The following CCDC88A variants were observed in gnomAD, a reference collection of about 807,000 sequenced individuals.
CCDC88A encodes the protein girdin.
CCDC88A carries 54 observed loss-of-function variants against 234.3 expected under a neutral mutation model. The observed-to-expected ratio is 0.23, with a 90% CI of 0.19 to 0.29. The LOEUF (loss-of-function observed/expected upper bound fraction) is 0.29. Ranked by LOEUF, CCDC88A falls within the 10% of genes least tolerant of loss-of-function variation. The probability of loss-of-function intolerance (pLI) is 1.00; values close to 1 mark genes in which losing one functional copy is unlikely to be tolerated. For synonymous variants in CCDC88A, 753 were observed against 737.8 expected, an observed-to-expected ratio of 1.02 and a Z score of -0.33; for missense variants, 1,832 against 2,123.4, an observed-to-expected ratio of 0.86 and a Z score of 2.70.
chr2:55,418,512 T>A lies in CCDC88A; in HGVS notation c.164+304A>T, dbSNP rs1434834091. The A allele has an allele frequency of 1.2e-5, 4 of 339,438 alleles. 1 individual carries two copies. In the East Asian group the frequency reaches 1.4e-4, roughly 12 times the overall value. The allele number at this position is 339,438 out of a possible 1,614,324, so 21.0% of individuals were successfully genotyped here. A position where few individuals can be genotyped will look rare whatever the true frequency, so the allele number is the denominator to read the frequency against. ...TAGGAAACCAGATTCTCATTTTCTC[T>A]CTTATTTTACCAAATTATCAAAGAA... On this transcript the variant is annotated intron_variant, in intron 2 of 32. Transcript: ENST00000436346.
intron 2 of CCDC88A, chr2:55,394,638 T>C (rs543736253): frequency 1.7e-5 from 2 of 115,208 alleles, no homozygotes; most frequent in African/African-American, 7.0e-5. Context: ...AAGGGGAACA[T>C]CACACACTGG....
At chr2:55,305,676 T>C (rs1008245591) in intron 25 of CCDC88A, among the ~76,000 whole-genome samples, 7 of 152,124 alleles carry the variant, frequency 4.6e-5, no homozygotes, top group African/African-American at 1.2e-4. Flanking sequence ...AGTGAGACCC[T>C]GTCTCTAAAA....
chr2:55,325,669 G>T (rs2104655633), intron 17 of CCDC88A, among the ~76,000 whole-genome samples: 1 of 152,284 alleles, frequency 6.6e-6, no homozygotes, highest in Middle Eastern at 3.4e-3. Flanking sequence ...GGTAGATGAA[G>T]TTCTTTCTAC....
Position 55,419,179 on chromosome 2 carries a change from T to G in CCDC88A, c.-100A>C. On this transcript the variant is annotated 5_prime_UTR_variant, in exon 1 of 33. Transcript: ENST00000436346. ...TAAGTAGAAATCAATGAAAGTCCAT[T>G]TCGGCAAGGGAGAAAAATCCCATCG... The G allele has an allele frequency of 1.3e-6, 1 of 744,010 alleles. No individual in the cohort carries two copies. The allele number at this position is 744,010 out of a possible 1,614,324, so 46.1% of individuals were successfully genotyped here. A position where few individuals can be genotyped will look rare whatever the true frequency, so the allele number is the denominator to read the frequency against.
At chr2:55,333,533 A>G (rs755870173) in intron 15 of CCDC88A, among the ~76,000 whole-genome samples, 1 of 152,184 alleles carries the variant, frequency 6.6e-6, no homozygotes, top group Non-Finnish European at 1.5e-5. Context: ...GAATCCAGTA[A>G]TCCAACTCTG....
intron 3 of CCDC88A, among the ~76,000 whole-genome samples, chr2:55,386,222 CAAA>C (rs11333871): frequency 6.9e-6 from 1 of 145,326 alleles, no homozygotes; most frequent in Non-Finnish European, 1.5e-5. Context: ...AACTCCGTCT[CAAA>C]AAAAAAAAAA....
At position 55,415,160 on chromosome 2, in the gene CCDC88A, A is replaced by G. The variant is rs988871960; in HGVS notation, c.164+3656T>C. ...AGAGCAAAAATGTAATTAAAAGTAT[A>G]TAAACAGCCAGGCATTGTGGTGCGC... On this transcript the variant is annotated intron_variant, in intron 2 of 32. Transcript: ENST00000436346. Among the ~76,000 whole-genome samples the G allele has an allele frequency of 2.0e-5, 3 of 152,042 alleles. No individual in the cohort carries two copies. The East Asian group carries it at 5.8e-4, about 29-fold the overall frequency.
intron 4 of CCDC88A, among the ~76,000 whole-genome samples, chr2:55,373,939 T>C (rs538305079): frequency 6.6e-6 from 1 of 152,348 alleles, no homozygotes; most frequent in East Asian, 1.9e-4. Context: ...TAGCTGCTAA[T>C]TTCCTCAACT....
rs1684522240 is a variant in CCDC88A, at chr2:55,328,498, T to C, written c.2856-63A>G. 1 of 1,194,018 alleles carries C rather than the reference T, an allele frequency of 8.4e-7. No individual in the cohort carries two copies. The highest frequency in any genetic ancestry group is 1.1e-6 in the Non-Finnish European group (1 of 876,578). The allele number at this position is 1,194,018 out of a possible 1,614,324, so 74.0% of individuals were successfully genotyped here. On this transcript the variant is annotated intron_variant, in intron 16 of 32. Transcript: ENST00000436346. The surrounding 1 kb of genome is among the most constrained non-coding windows in gnomAD (Gnocchi z 4.3). ...GTCAGAAAATTATTTTTAAAGATAA[T>C]TTATGACCACAAATATTCATGCCAT...
chr2:55,356,688 G>A (rs772896504), intron 7 of CCDC88A: 1 of 152,182 alleles, frequency 6.6e-6, no homozygotes, highest in Non-Finnish European at 1.5e-5. Flanking sequence ...CCAGCACTTA[G>A]GGAGGCCGAG....
In CCDC88A at chr2:55,390,053, A is replaced by AAAAAG. The variant is rs377022377; in HGVS notation, c.165-1168_165-1167insCTTTT. ...GAGACTCAAAAAAAAAAAAAAATAA[A>AAAAAG]AAATAAAGATAGAACATTTCAAAGT... On this transcript the variant is annotated intron_variant, in intron 2 of 32. Transcript: ENST00000436346. 9.8e-4 allele frequency among the ~76,000 whole-genome samples: 78 copies of AAAAAG among 79,780 alleles called. 14 individuals are homozygous for AAAAAG. Among genetic ancestry groups the AAAAAG allele is most frequent in the African/African-American group, 2.1e-3 (45 of 21,556 alleles). The allele number at this position is 79,780 out of a possible 152,430, so 52.3% of individuals were successfully genotyped here. A position where few individuals can be genotyped will look rare whatever the true frequency, so the allele number is the denominator to read the frequency against.
intron 31 of CCDC88A, chr2:55,295,288 C>T: frequency 7.1e-7 from 1 of 1,407,222 alleles, no homozygotes; most frequent in South Asian, 1.2e-5. Flanking sequence ...ATTCTGATAA[C>T]TGGCCTAGGA....
At chr2:55,391,780 G>C (rs1474515527) in intron 2 of CCDC88A, among the ~76,000 whole-genome samples, 1 of 152,124 alleles carries the variant, frequency 6.6e-6, no homozygotes, top group Admixed American at 6.5e-5. Flanking sequence ...ATGATCTATG[G>C]GGCAATATTA....
chr2:55,387,976 T>G (rs1558797042), intron 3 of CCDC88A, among the ~76,000 whole-genome samples: 1 of 152,090 alleles, frequency 6.6e-6, no homozygotes, highest in Admixed American at 6.6e-5. Flanking sequence ...TCTTTCTCAA[T>G]AACTAATCAC....
intron 2 of CCDC88A, among the ~76,000 whole-genome samples, chr2:55,402,890 T>A (rs1263356678): frequency 6.6e-6 from 1 of 151,872 alleles, no homozygotes; most frequent in African/African-American, 2.4e-5. Flanking sequence ...GCACCTGTAG[T>A]CCCAGTTACT....
chr2:55,375,092 T>C (rs1016919787), intron 3 of CCDC88A, among the ~76,000 whole-genome samples: 4 of 152,174 alleles, frequency 2.6e-5, no homozygotes, highest in Admixed American at 6.5e-5. Context: ...CTTCAGTTAA[T>C]AATATATGAG....
Position 55,374,821 on chromosome 2 carries a change from G to C in CCDC88A, c.336C>G (p.Pro112=), listed in dbSNP as rs374397323. The C allele has an allele frequency of 6.3e-6, 10 of 1,597,480 alleles. No individual in the cohort carries two copies. In the African/African-American group the frequency reaches 1.2e-4, roughly 19 times the overall value. The change falls in exon 4 of 33, where the codon CCC becomes CCG. Residue 112 remains proline (P), a synonymous_variant. Transcript: ENST00000436346. ...CTTAATTTTAATACTTACCAGAAAAGGGATTTTTGCCAATGATTAAGACAT... is the reference window on the plus strand; with the variant it reads ...CTTAATTTTAATACTTACCAGAAAACGGATTTTTGCCAATGATTAAGACAT... The part of the protein sequence containing the change: ...LPNVLIIGKN[P]FSEQGTEEVK...
At chr2:55,411,250 G>A (rs965560680) in intron 2 of CCDC88A, among the ~76,000 whole-genome samples, 39 of 152,058 alleles carry the variant, frequency 2.6e-4, no homozygotes, top group African/African-American at 9.4e-4. Flanking sequence ...TGAAAGAACT[G>A]GTCTTCCTTT....
At chr2:55,410,682 G>A (rs1284353720) in intron 2 of CCDC88A, among the ~76,000 whole-genome samples, 2 of 152,004 alleles carry the variant, frequency 1.3e-5, no homozygotes, top group South Asian at 2.1e-4. Context: ...CCAGGAGATT[G>A]GAACCAGAAT....
Sources: gnomAD v4.1 joint callset for allele counts (sites outside exome capture counted in the v4.1 genomes callset) on GRCh38, gnomAD v4.1.1 for gene constraint, Gnocchi (gnomAD v3.1) non-coding constraint, MANE v1.5 for transcripts, NCBI Gene and HGNC (gene_info 2026-07-23, HGNC 2026-07-21) for gene names.